The following CSRNP3 variants were observed in gnomAD, a reference collection of about 807,000 sequenced individuals.
CSRNP3 encodes cysteine and serine rich nuclear protein 3.
Under a neutral mutation model 48.0 loss-of-function variants are expected in CSRNP3, and 12 were observed. That is an observed-to-expected ratio of 0.25 (90% CI 0.16 to 0.41). The LOEUF (loss-of-function observed/expected upper bound fraction) is 0.41, where lower values mean the gene tolerates loss of function less well. Ranked by LOEUF, CSRNP3 falls within the 10% of genes least tolerant of loss-of-function variation. CSRNP3 has a pLI of 1.00. For synonymous variants in CSRNP3, 263 were observed against 269.7 expected, an observed-to-expected ratio of 0.98 and a Z score of 0.24; for missense variants, 580 against 724.4, an observed-to-expected ratio of 0.80 and a Z score of 2.29.
chr2:165,545,711 A>G (rs1407553088), intron 3 of CSRNP3, among the ~76,000 whole-genome samples: 1 of 152,190 alleles, frequency 6.6e-6, no homozygotes, highest in Non-Finnish European at 1.5e-5. Context: ...GATATTTAAT[A>G]AATATTTGCT....
chr2:165,553,509 T>C (rs1215181850), intron 3 of CSRNP3, among the ~76,000 whole-genome samples: 1 of 152,328 alleles, frequency 6.6e-6, no homozygotes, highest in Non-Finnish European at 1.5e-5. Flanking sequence ...CAGCTGAATA[T>C]AGGTGGTAGC....
At chr2:165,534,142 T>G (rs911227046) in intron 3 of CSRNP3, among the ~76,000 whole-genome samples, 1 of 152,048 alleles carries the variant, frequency 6.6e-6, no homozygotes, top group African/African-American at 2.4e-5. Flanking sequence ...CTGTGCTTTA[T>G]AAAATCAAAA....
chr2:165,568,813 T>A (rs1685331842), intron 3 of CSRNP3, among the ~76,000 whole-genome samples: 1 of 152,116 alleles, frequency 6.6e-6, no homozygotes, highest in Non-Finnish European at 1.5e-5. Flanking sequence ...AGATAAGTTT[T>A]GTCTCTTCTA....
At chr2:165,480,088 C>T (rs143658187) in intron 1 of CSRNP3, among the ~76,000 whole-genome samples, 174 of 152,156 alleles carry the variant, frequency 1.1e-3, no homozygotes, top group African/African-American at 3.9e-3. Context: ...GCCTGTCAGC[C>T]GGCTGAAGGC....
chr2:165,516,770 C>G (rs2105231325), intron 2 of CSRNP3, among the ~76,000 whole-genome samples: 1 of 152,176 alleles, frequency 6.6e-6, no homozygotes, highest in Admixed American at 6.5e-5. Context: ...ATTGTTGTAT[C>G]ACAGTTAATC....
intron 1 of CSRNP3, among the ~76,000 whole-genome samples, chr2:165,484,899 ATC>A (rs527446447): frequency 4.0e-5 from 6 of 151,800 alleles, no homozygotes; most frequent in Non-Finnish European, 8.8e-5. Flanking sequence ...CTTTCACTCA[ATC>A]TCTCTCTCTC....
Position 165,567,713 on chromosome 2 carries a change from A to C in CSRNP3, c.-23-27330A>C, listed in dbSNP as rs534163355. On this transcript the variant is annotated intron_variant, in intron 3 of 6. Coordinates refer to ENST00000651982, the MANE Select transcript of CSRNP3 (RefSeq NM_001172173.2). The stretch of plus-strand genomic sequence containing the variant: ...AAAATTATCTGTTTTTTATCTTTGC[A>C]TAACTAAAACACATTTGTCTTTTCC... Among the ~76,000 whole-genome samples, 6 of 152,162 alleles carry C rather than the reference A, an allele frequency of 3.9e-5. No individual in the cohort carries two copies. The South Asian group carries it at 1.2e-3, about 32-fold the overall frequency.
intron 2 of CSRNP3, among the ~76,000 whole-genome samples, chr2:165,511,328 A>G (rs1055727356): frequency 2.0e-5 from 3 of 152,184 alleles, no homozygotes; most frequent in Non-Finnish European, 4.4e-5. Flanking sequence ...AGCTGATGAA[A>G]AAGAAAATAA....
At chr2:165,490,966 A>T (rs1684197826) in intron 1 of CSRNP3, among the ~76,000 whole-genome samples, 1 of 140,174 alleles carries the variant, frequency 7.1e-6, no homozygotes, top group South Asian at 2.3e-4. Context: ...ATTTAAACTA[A>T]AGAGCTTCTG....
chr2:165,540,811 G>A (rs747552319), intron 3 of CSRNP3, among the ~76,000 whole-genome samples: 3 of 152,012 alleles, frequency 2.0e-5, no homozygotes, highest in Non-Finnish European at 2.9e-5. Context: ...GGCCCTGTCT[G>A]GAAGGGACCA....
At chr2:165,583,450 G>A (rs1685579114) in intron 3 of CSRNP3, among the ~76,000 whole-genome samples, 2 of 152,158 alleles carry the variant, frequency 1.3e-5, no homozygotes, top group African/African-American at 4.8e-5. Context: ...TACCATCTGT[G>A]ATTTGCTGGA....
chr2:165,554,937 C>T (rs1685142831), intron 3 of CSRNP3, among the ~76,000 whole-genome samples: 1 of 152,166 alleles, frequency 6.6e-6, no homozygotes, highest in African/African-American at 2.4e-5. Flanking sequence ...TTCATCTCCT[C>T]ACTCCCTCAC....
At chr2:165,515,458 A>G (rs1227807653) in intron 2 of CSRNP3, among the ~76,000 whole-genome samples, 1 of 151,780 alleles carries the variant, frequency 6.6e-6, no homozygotes, top group African/African-American at 2.4e-5. Flanking sequence ...GTCAAATACA[A>G]TTATGTTTTT....
chr2:165,515,690 A>C, intron 2 of CSRNP3, among the ~76,000 whole-genome samples: 1 of 151,950 alleles, frequency 6.6e-6, no homozygotes, highest in East Asian at 1.9e-4. Context: ...ATTTATTTTC[A>C]CTAACGAGAA....
chr2:165,612,109 T>C (rs1199987101), intron 4 of CSRNP3, among the ~76,000 whole-genome samples: 4 of 152,118 alleles, frequency 2.6e-5, no homozygotes, highest in African/African-American at 9.6e-5. Context: ...CTTGCAAAAG[T>C]ACTAAATGCT....
chr2:165,579,318 A>G (rs1283435427), intron 3 of CSRNP3, among the ~76,000 whole-genome samples: 1 of 152,200 alleles, frequency 6.6e-6, no homozygotes, highest in Non-Finnish European at 1.5e-5. Context: ...TATGTGGCTA[A>G]ATAGATATGT....
chr2:165,586,708 G>A (rs1258714227), intron 3 of CSRNP3, among the ~76,000 whole-genome samples: 2 of 152,126 alleles, frequency 1.3e-5, no homozygotes, highest in African/African-American at 4.8e-5. Context: ...AAGAAAAAAG[G>A]ATTAAACACT....
At chr2:165,639,586 A>G (rs999646025) in intron 4 of CSRNP3, among the ~76,000 whole-genome samples, 2 of 152,232 alleles carry the variant, frequency 1.3e-5, no homozygotes, top group African/African-American at 4.8e-5. Context: ...ATTTTGAAAT[A>G]TACACAGGAG....
At chr2:165,520,706 C>G (rs1195069893) in intron 3 of CSRNP3, among the ~76,000 whole-genome samples, 2 of 130,480 alleles carry the variant, frequency 1.5e-5, no homozygotes, top group African/African-American at 5.7e-5. Context: ...ATCTATCTAT[C>G]TATCTGTCTA....
Sources: allele counts gnomAD v4.1 joint callset (sites outside exome capture counted in the v4.1 genomes callset), GRCh38; gene constraint gnomAD v4.1.1; transcripts MANE v1.5; gene names NCBI Gene and HGNC (gene_info 2026-07-23, HGNC 2026-07-21).